UBXN4: variants seen among roughly 807,000 people sequenced by gnomAD.
UBXN4 encodes UBX domain-containing protein 4.
UBXN4 carries 35 observed loss-of-function variants against 66.2 expected under a neutral mutation model. The observed-to-expected ratio is 0.53, with a 90% CI of 0.40 to 0.70. The LOEUF (loss-of-function observed/expected upper bound fraction) is 0.70, where lower values mean the gene tolerates loss of function less well. Among genes scored for constraint, UBXN4 ranks in the 30% least tolerant of loss-of-function variants. UBXN4 has a pLI of 0.00. For synonymous variants in UBXN4, 203 were observed against 204.5 expected, an observed-to-expected ratio of 0.99 and a Z score of 0.06; for missense variants, 533 against 599.8, an observed-to-expected ratio of 0.89 and a Z score of 1.16.
At chr2:135,779,879 T>TTATATATTATATAAAA (rs1553649728) in intron 11 of UBXN4, among the ~76,000 whole-genome samples, 1 of 65,902 alleles carries the variant, frequency 1.5e-5, no homozygotes, top group Non-Finnish European at 4.4e-5. Flanking sequence ...AATTTTATAA[T>TTATATATTATATAAAA]TATAATATAT....
chr2:135,764,347 A>G (rs1173453701), intron 6 of UBXN4, among the ~76,000 whole-genome samples: 2 of 152,204 alleles, frequency 1.3e-5, no homozygotes, highest in Non-Finnish European at 2.9e-5. Context: ...AATCAAATTG[A>G]CATTAGTGAG....
At position 135,741,895 on chromosome 2, in the gene UBXN4, A is replaced by T; in HGVS notation, c.-35A>T. On this transcript the variant is annotated 5_prime_UTR_variant, in exon 1 of 13. Coordinates refer to ENST00000272638, the MANE Select transcript of UBXN4 (RefSeq NM_014607.4). ...AGCCGGCTTCGGGACTGCGGAGACT[A>T]CACACCGAGCGAGCGCCTGGGCCCG... 6.3e-7 allele frequency: 1 copy of T among 1,598,160 alleles called. No individual in the cohort carries two copies. Among genetic ancestry groups the T allele is most frequent in the Non-Finnish European group, 8.5e-7 (1 of 1,172,876 alleles).
In UBXN4 at chr2:135,754,730, A is replaced by G. The variant is rs1482943499; in HGVS notation, c.333+453A>G. On this transcript the variant is annotated intron_variant, in intron 4 of 12. Coordinates refer to ENST00000272638, the MANE Select transcript of UBXN4 (RefSeq NM_014607.4). ...TTTGTCACCTGTTTTTGTAAATAGC[A>G]TGAAGTTACAGGTGCCAGTAGCCAG... Among the ~76,000 whole-genome samples the G allele has an allele frequency of 5.3e-5, 8 of 152,292 alleles. No individual in the cohort carries two copies. The East Asian group carries it at 1.5e-3, about 29-fold the overall frequency.
At position 135,764,726 on chromosome 2, in the gene UBXN4, G is replaced by A. The variant is rs142377547; in HGVS notation, c.602+2815G>A. On this transcript the variant is annotated intron_variant, in intron 6 of 12. Transcript: ENST00000272638. Reference sequence around the variant, plus strand: ...TCGCCATGTTGGCTGGGCTGGTCTTGAACTTCTGACTTCAGGTCATCTGCT... The same window carrying A: ...TCGCCATGTTGGCTGGGCTGGTCTTAAACTTCTGACTTCAGGTCATCTGCT... Among the ~76,000 whole-genome samples the A allele has an allele frequency of 4.1e-4, 62 of 152,322 alleles. 1 individual carries two copies. In the East Asian group the frequency reaches 0.012, roughly 29 times the overall value.
chr2:135,782,590 G>A (rs1489774060), intron 12 of UBXN4, among the ~76,000 whole-genome samples, 159 bp from the exon 13 acceptor site: 2 of 152,220 alleles, frequency 1.3e-5, no homozygotes, highest in Non-Finnish European at 2.9e-5. Context: ...GTCTAGTACT[G>A]TGTTAGTAGA....
chr2:135,779,008 A>G lies in UBXN4; in HGVS notation c.1114A>G (p.Thr372Ala). The change falls in exon 11 of 13, where the codon ACC becomes GCC. Residue 372 changes from threonine (T) to alanine (A), a missense_variant. Around this residue, in one of 2 missense-constraint regions of UBXN4, gnomAD observed 529 missense variants for 580.1 expected, o/e 0.91. Coordinates refer to ENST00000272638, the MANE Select transcript of UBXN4 (RefSeq NM_014607.4). ...AACCATGTTTCCCAGGAGGGAATTTACCAAAGAAGATTATAAAAAGAAGTT... is the reference window on the plus strand; with the variant it reads ...AACCATGTTTCCCAGGAGGGAATTTGCCAAAGAAGATTATAAAAAGAAGTT... Reference protein sequence around the residue: ...LATMFPRREFTKEDYKKKLLD... With the variant: ...LATMFPRREFAKEDYKKKLLD... 1.2e-6 allele frequency: 2 copies of G among 1,613,844 alleles called. No homozygotes were observed. The highest frequency in any genetic ancestry group is 3.3e-5 in the Admixed American group (2 of 59,974).
At chr2:135,746,476 A>G (rs1218571495) in intron 1 of UBXN4, among the ~76,000 whole-genome samples, 1 of 152,250 alleles carries the variant, frequency 6.6e-6, no homozygotes, top group Non-Finnish European at 1.5e-5. Flanking sequence ...AAAGTAATAC[A>G]GAAAAACAAC....
At position 135,751,152 on chromosome 2, in the gene UBXN4, C is replaced by T. The variant is rs535774338; in HGVS notation, c.186-2387C>T. On this transcript the variant is annotated intron_variant, in intron 2 of 12. Coordinates refer to ENST00000272638, the MANE Select transcript of UBXN4 (RefSeq NM_014607.4). ...ACAGGTATGAGCCACTGTGCCCGGC[C>T]GTGTCTGGCATTTTTAAAAATAAAT... is the stretch of plus-strand genomic sequence containing the variant. 1.3e-4 allele frequency among the ~76,000 whole-genome samples: 19 copies of T among 147,442 alleles called. No homozygotes were observed. The East Asian group carries it at 2.6e-3, about 20-fold the overall frequency.
At chr2:135,756,859 T>C (rs974156899) in intron 5 of UBXN4, among the ~76,000 whole-genome samples, 3 of 152,212 alleles carry the variant, frequency 2.0e-5, no homozygotes, top group African/African-American at 7.2e-5. Context: ...AATTTTTGTT[T>C]ACAGTTACAG....
intron 11 of UBXN4, 91 bp downstream of exon 11, chr2:135,779,170 C>T (rs1207362494): frequency 5.3e-6 from 7 of 1,316,388 alleles, no homozygotes; most frequent in Non-Finnish European, 5.0e-6. Flanking sequence ...AGGAAGTGCA[C>T]AGATATACTG....
intron 1 of UBXN4, among the ~76,000 whole-genome samples, chr2:135,745,896 T>TTTTTTTTTTTG (rs2077204842): frequency 7.0e-6 from 1 of 142,634 alleles, no homozygotes; most frequent in Non-Finnish European, 1.5e-5. Flanking sequence ...TTTTTTTTTT[T>TTTTTTTTTTTG]GAGATGGAGT....
chr2:135,779,158 A>G (rs2077435578), intron 11 of UBXN4, 79 bp downstream of exon 11: 3 of 1,422,828 alleles, frequency 2.1e-6, no homozygotes, highest in African/African-American at 2.9e-5. Flanking sequence ...TAATTAGGGG[A>G]AAGGAAGTGC....
intron 6 of UBXN4, among the ~76,000 whole-genome samples, chr2:135,768,110 A>G (rs1575320801): frequency 6.6e-6 from 1 of 152,216 alleles, no homozygotes; most frequent in Non-Finnish European, 1.5e-5. Context: ...CATGAAATTG[A>G]AAGTGTACAA....
chr2:135,767,978 T>G (rs1051526036), intron 6 of UBXN4, among the ~76,000 whole-genome samples: 1 of 152,168 alleles, frequency 6.6e-6, no homozygotes, highest in Non-Finnish European at 1.5e-5. Context: ...TATTGGGTCT[T>G]CTGGCTTTTT....
intron 5 of UBXN4, 111 bp from the exon 6 acceptor site, chr2:135,761,707 A>G (rs2077317154): frequency 3.3e-6 from 3 of 912,550 alleles, no homozygotes; most frequent in Non-Finnish European, 4.7e-6. Flanking sequence ...GGGAAAATAT[A>G]TAATGCTTAA....
At chr2:135,742,124 C>A in intron 1 of UBXN4, 113 bp downstream of exon 1, 1 of 1,294,164 alleles carries the variant, frequency 7.7e-7, no homozygotes, top group Non-Finnish European at 1.1e-6. Context: ...CTCCTGTCGG[C>A]TCGCACAATT....
rs2077463881 is a variant in UBXN4, at chr2:135,783,671, T to G, written c.*784T>G. The G allele has an allele frequency of 6.6e-6, 1 of 152,210 alleles. No homozygotes were observed. The highest frequency in any genetic ancestry group is 1.5e-5 in the Non-Finnish European group (1 of 68,034). The allele number at this position is 152,210 out of a possible 1,614,324, so 9.4% of individuals were successfully genotyped here. On this transcript the variant is annotated 3_prime_UTR_variant, in exon 13 of 13. Coordinates refer to ENST00000272638, the MANE Select transcript of UBXN4 (RefSeq NM_014607.4). The stretch of plus-strand genomic sequence containing the variant: ...ATACGGTTTGTTAAGGCCTTTGTTC[T>G]TGTGAGATGCAAAACAGCTGCTAGT...
intron 1 of UBXN4, among the ~76,000 whole-genome samples, chr2:135,747,949 G>C (rs1461686875): frequency 6.6e-6 from 1 of 152,064 alleles, no homozygotes; most frequent in Non-Finnish European, 1.5e-5. Flanking sequence ...AAAATCTTAT[G>C]TACAAAAGCC....
rs555162757 is a variant in UBXN4, at chr2:135,776,678, C to T, written c.1053+327C>T. On this transcript the variant is annotated intron_variant, in intron 10 of 12. Transcript: ENST00000272638. ...GTGCGATCACAGCTCCCTGCAGCCTCGACCTCCTGGGCTCAAGCGACCCTC... is the reference window on the plus strand; with the variant it reads ...GTGCGATCACAGCTCCCTGCAGCCTTGACCTCCTGGGCTCAAGCGACCCTC... 1.7e-4 allele frequency among the ~76,000 whole-genome samples: 26 copies of T among 152,300 alleles called. No individual in the cohort carries two copies. The South Asian group carries it at 3.5e-3, about 21-fold the overall frequency.
Sources: gnomAD v4.1 joint callset for allele counts (sites outside exome capture counted in the v4.1 genomes callset) on GRCh38, gnomAD v4.1.1 for gene constraint, gnomAD v4.1.1 regional missense constraint, MANE v1.5 for transcripts, NCBI Gene and HGNC (gene_info 2026-07-23, HGNC 2026-07-21) for gene names.